The following MICAL3 variants were observed in gnomAD, a reference collection of about 807,000 sequenced individuals.
The protein encoded by MICAL3 is microtubule associated monooxygenase, calponin and LIM domain containing 3.
A neutral mutation model predicts 207.4 loss-of-function variants in MICAL3; 62 were observed. The observed-to-expected ratio is 0.30, with a 90% confidence interval of 0.24 to 0.37. The LOEUF is 0.37. Among genes scored for constraint, MICAL3 ranks in the 10% least tolerant of loss-of-function variants. MICAL3 has a pLI of 1.00. For synonymous variants in MICAL3, 1,077 were observed against 1,069.3 expected, an observed-to-expected ratio of 1.01 and a Z score of -0.14; for missense variants, 2,368 against 2,635.6, an observed-to-expected ratio of 0.90 and a Z score of 2.22.
chr22:17,893,747 A>AT (rs1930587219), intron 11 of MICAL3, 61 bp downstream of exon 11: 1 of 1,192,160 alleles, frequency 8.4e-7, no homozygotes, highest in Admixed American at 2.0e-5. Context: ...GGCTCAGGGA[A>AT]TGAGTATAGA....
chr22:17,941,980 T>C (rs367719451), intron 1 of MICAL3, among the ~76,000 whole-genome samples: 42 of 152,322 alleles, frequency 2.8e-4, no homozygotes, highest in Middle Eastern at 6.8e-3. Context: ...CTCCCTTACC[T>C]GCACGTCAAC....
At chr22:17,879,608 C>G (rs916914202) in intron 16 of MICAL3, among the ~76,000 whole-genome samples, 3 of 152,190 alleles carry the variant, frequency 2.0e-5, no homozygotes, top group Admixed American at 1.3e-4. Flanking sequence ...TTCCACCCCC[C>G]ACTGGCCTCC....
rs553075802 is a variant in MICAL3, at chr22:17,853,712, A to G, written c.2605+11187T>C. ...GACAGGTGGCAGAACTGAAACTCAAATTCACATCTTCTGTTTCAAGATCTG... is the reference window on the plus strand; with the variant it reads ...GACAGGTGGCAGAACTGAAACTCAAGTTCACATCTTCTGTTTCAAGATCTG... On this transcript the variant is annotated intron_variant, in intron 19 of 31. Coordinates refer to ENST00000441493, the MANE Select transcript of MICAL3 (RefSeq NM_015241.3). Among the ~76,000 whole-genome samples, 16 of 152,300 alleles carry G rather than the reference A, an allele frequency of 1.1e-4. No individual in the cohort carries two copies. In the East Asian group the frequency reaches 2.5e-3, roughly 24 times the overall value.
intron 29 of MICAL3, among the ~76,000 whole-genome samples, chr22:17,795,297 C>T (rs77639354): frequency 0.015 from 2,274 of 152,336 alleles, 52 homozygotes; most frequent in African/African-American, 0.05. Context: ...TGTAGTCTGT[C>T]TTCAGGCTTG....
At position 17,885,826 on chromosome 22, in the gene MICAL3, T is replaced by G. The variant is rs879224024; in HGVS notation, c.2241+52A>C. On this transcript the variant is annotated intron_variant, in intron 16 of 31. Coordinates refer to ENST00000441493, the MANE Select transcript of MICAL3 (RefSeq NM_015241.3). ...CTCAATGGATGGAAAAGATCCCCCC[T>G]TCTTGTGTGATCTGACCAAATCGGT... is the stretch of plus-strand genomic sequence containing the variant. The G allele has an allele frequency of 1.0e-5, 16 of 1,564,582 alleles. No homozygotes were observed. In the South Asian group the frequency reaches 1.7e-4, roughly 16 times the overall value.
intron 1 of MICAL3, among the ~76,000 whole-genome samples, chr22:17,981,353 A>G (rs551096738): frequency 6.6e-6 from 1 of 152,156 alleles, no homozygotes; most frequent in Non-Finnish European, 1.5e-5. Context: ...GAATAAAACA[A>G]AAGTGAAAGA....
chr22:17,983,782 A>G lies in MICAL3; in HGVS notation c.-75+40499T>C, dbSNP rs539285291. On this transcript the variant is annotated intron_variant, in intron 1 of 31. Coordinates refer to ENST00000441493, the MANE Select transcript of MICAL3 (RefSeq NM_015241.3). ...CATCCTCTCTGGACACCTTCACACC[A>G]TGCCACTTCCTATGGAAGAACCCTA... 4.6e-5 allele frequency among the ~76,000 whole-genome samples: 7 copies of G among 152,126 alleles called. No individual in the cohort carries two copies. The South Asian group carries it at 6.2e-4, about 14-fold the overall frequency.
chr22:17,929,742 T>G (rs1387469890), intron 1 of MICAL3, among the ~76,000 whole-genome samples: 1 of 152,148 alleles, frequency 6.6e-6, no homozygotes, highest in Non-Finnish European at 1.5e-5. Context: ...TAATTTTTTG[T>G]ATTTTTAGTA....
intron 22 of MICAL3, among the ~76,000 whole-genome samples, chr22:17,827,196 T>C (rs759173339): frequency 3.3e-5 from 5 of 151,604 alleles, no homozygotes; most frequent in Non-Finnish European, 5.9e-5. Flanking sequence ...GATGCTACTG[T>C]GGAGGCCTCC....
intron 1 of MICAL3, among the ~76,000 whole-genome samples, chr22:18,021,560 T>C (rs987391942): frequency 2.6e-5 from 4 of 152,234 alleles, no homozygotes; most frequent in African/African-American, 9.6e-5. Flanking sequence ...TGCATGGCTA[T>C]GCACAGACTA....
At chr22:18,003,193 C>T (rs1923158880) in intron 1 of MICAL3, among the ~76,000 whole-genome samples, 5 of 151,694 alleles carry the variant, frequency 3.3e-5, no homozygotes, top group South Asian at 2.1e-4. Context: ...AGTTGAAAGT[C>T]GATAGACTTT....
At chr22:17,876,951 G>C (rs1174875568) in intron 16 of MICAL3, 3 of 129,826 alleles carry the variant, frequency 2.3e-5, no homozygotes, top group Admixed American at 7.5e-5. Flanking sequence ...GGTTATGGAG[G>C]TTATGGAGGT....
At chr22:17,914,788 C>T (rs1052721541) in intron 1 of MICAL3, among the ~76,000 whole-genome samples, 1 of 152,228 alleles carries the variant, frequency 6.6e-6, no homozygotes, top group Non-Finnish European at 1.5e-5. Context: ...AAAGGCTAAG[C>T]AACTAAAACA....
intron 1 of MICAL3, among the ~76,000 whole-genome samples, chr22:17,961,377 C>T (rs1934905109): frequency 6.6e-6 from 1 of 152,164 alleles, no homozygotes. Flanking sequence ...TTGAATAACC[C>T]GCGGCCATTC....
Position 17,896,876 on chromosome 22 carries a change from G to A in MICAL3, c.1054C>T (p.Pro352Ser). 1.2e-6 allele frequency: 2 copies of A among 1,614,104 alleles called. No individual in the cohort carries two copies. The highest frequency in any genetic ancestry group is 1.7e-6 in the Non-Finnish European group (2 of 1,179,976). Residue 352 changes from proline (P) to serine (S), a missense_variant, in exon 8 of 32, where the codon CCG becomes TCG. Pro to Ser is a moderately conservative substitution (Grantham distance 74). This residue lies in a region of MICAL3 where 400 missense variants were observed against 547.0 expected (regional missense o/e 0.73). Coordinates refer to ENST00000441493, the MANE Select transcript of MICAL3 (RefSeq NM_015241.3). ...TGATTGATGGCAAAATCCAGAGACG[G>A]CAGCTGCTGCTGGGTAGAGAAGTCT... ...AADFSTQQQL[P>S]SLDFAINHYG... is the part of the protein sequence containing the mutation.
chr22:17,895,338 G>A lies in MICAL3; in HGVS notation c.1395C>T (p.Ile465=), dbSNP rs376350708. ...NVSKNFSQYS[I]DPVTRYPNIN... is the part of the protein sequence containing the mutation. ...TATTGGGATACCGAGTGACAGGGTC[G>A]ATACTGTACTGGCTGAAGTTCTTAC... Residue 465 remains isoleucine, a synonymous_variant, in exon 10 of 32, where the codon ATC becomes ATT. Coordinates refer to ENST00000441493, the MANE Select transcript of MICAL3 (RefSeq NM_015241.3). The A allele has an allele frequency of 5.4e-5, 87 of 1,613,704 alleles. No homozygotes were observed. Among genetic ancestry groups the A allele is most frequent in the Non-Finnish European group, 6.6e-5 (78 of 1,179,760 alleles).
chr22:17,792,434 G>A (rs2061833715), intron 29 of MICAL3, among the ~76,000 whole-genome samples: 1 of 152,194 alleles, frequency 6.6e-6, no homozygotes, highest in Admixed American at 6.5e-5. Context: ...ATCTTTCAGA[G>A]GCCCTTGCAC....
chr22:18,011,360 C>T (rs8136593), intron 1 of MICAL3, among the ~76,000 whole-genome samples: 2,111 of 151,114 alleles, frequency 0.014, 61 homozygotes, highest in East Asian at 0.093. Flanking sequence ...GCCTGATCAA[C>T]GTGGTGAAAC....
intron 1 of MICAL3, among the ~76,000 whole-genome samples, chr22:17,933,875 G>T (rs542569114): frequency 2.0e-5 from 3 of 152,322 alleles, no homozygotes; most frequent in African/African-American, 7.2e-5. Context: ...AAATCTAGAA[G>T]AAATGGATAA....
Sources: allele counts gnomAD v4.1 joint callset (sites outside exome capture counted in the v4.1 genomes callset), GRCh38; gene constraint gnomAD v4.1.1; regional missense constraint gnomAD v4.1.1; transcripts MANE v1.5; gene names NCBI Gene and HGNC (gene_info 2026-07-23, HGNC 2026-07-21).